The following SPMIP2 variants were observed in gnomAD, a reference collection of about 807,000 sequenced individuals.
The protein encoded by SPMIP2 is sperm microtubule inner protein 2.
At chr4:159,001,020 T>C in the SPMIP2 span, among the ~76,000 whole-genome samples, 2 of 152,198 alleles carry the variant, frequency 1.3e-5, no homozygotes, top group East Asian at 1.9e-4. Flanking sequence ...GGTAAATAAC[T>C]AGAAGTGGAA....
the SPMIP2 span, among the ~76,000 whole-genome samples, chr4:158,953,680 A>C: frequency 6.6e-6 from 1 of 152,216 alleles, no homozygotes; most frequent in Non-Finnish European, 1.5e-5. Context: ...CAGCCTGGAA[A>C]GCAGCTGGGA....
At chr4:158,910,274 T>A in the SPMIP2 span, among the ~76,000 whole-genome samples, 399 of 152,184 alleles carry the variant, frequency 2.6e-3, 1 homozygote, top group Admixed American at 6.4e-3. Flanking sequence ...CAGGTATTTT[T>A]TTTTTCCTTT....
chr4:158,973,357 A>G, the SPMIP2 span: 1 of 1,235,306 alleles, frequency 8.1e-7, no homozygotes, highest in African/African-American at 1.5e-5. Context: ...ACTTTATTCT[A>G]AGATACTTTT....
the SPMIP2 span, among the ~76,000 whole-genome samples, chr4:159,037,981 T>TTCTC: frequency 1.0e-4 from 15 of 148,054 alleles, no homozygotes; most frequent in African/African-American, 3.5e-4. Flanking sequence ...CTCTCTCTCT[T>TTCTC]TCTCTCTCTC....
At chr4:158,915,259 T>C in the SPMIP2 span, 1 of 1,613,770 alleles carries the variant, frequency 6.2e-7, no homozygotes, top group Non-Finnish European at 8.5e-7. Context: ...ATAGCCCATT[T>C]GGAATTTCTC....
the SPMIP2 span, among the ~76,000 whole-genome samples, chr4:159,002,417 T>C: frequency 6.6e-6 from 1 of 152,280 alleles, no homozygotes; most frequent in East Asian, 1.9e-4. Flanking sequence ...CACCTAAAAA[T>C]TATTTTGTTA....
At chr4:158,923,155 T>C in the SPMIP2 span, among the ~76,000 whole-genome samples, 7 of 152,240 alleles carry the variant, frequency 4.6e-5, no homozygotes, top group African/African-American at 1.7e-4. Flanking sequence ...ACTGTCTTGA[T>C]TACTGTAGCT....
At chr4:159,081,515 C>A in the SPMIP2 span, among the ~76,000 whole-genome samples, 38 of 151,842 alleles carry the variant, frequency 2.5e-4, no homozygotes, top group Non-Finnish European at 5.1e-4. Context: ...CATTGGGAGA[C>A]CCTTGTCTCT....
At chr4:159,035,196 C>A in the SPMIP2 span, 1 of 924,250 alleles carries the variant, frequency 1.1e-6, no homozygotes, top group South Asian at 1.5e-5. Flanking sequence ...TCTTTCCTCT[C>A]CCTGCTTGTG....
At chr4:158,937,896 C>T in the SPMIP2 span, among the ~76,000 whole-genome samples, 1 of 152,264 alleles carries the variant, frequency 6.6e-6, no homozygotes, top group Admixed American at 6.5e-5. Flanking sequence ...ATCAGTTGTT[C>T]ATGATGAAAT....
chr4:159,053,138 A>G, the SPMIP2 span, among the ~76,000 whole-genome samples: 1 of 149,648 alleles, frequency 6.7e-6, no homozygotes, highest in East Asian at 2.0e-4. Context: ...TTGTATTTTT[A>G]GTAGAGACGG....
At chr4:158,943,318 A>G in the SPMIP2 span, among the ~76,000 whole-genome samples, 1 of 152,050 alleles carries the variant, frequency 6.6e-6, no homozygotes. Context: ...CCCAATTCCA[A>G]TTTTTCTTGG....
At chr4:158,913,727 G>C in the SPMIP2 span, among the ~76,000 whole-genome samples, 28 of 152,036 alleles carry the variant, frequency 1.8e-4, no homozygotes, top group Admixed American at 1.2e-3. Context: ...TAGCTACTCA[G>C]GAGGCTGAGG....
chr4:158,909,200 G>A, the SPMIP2 span, among the ~76,000 whole-genome samples: 2 of 152,052 alleles, frequency 1.3e-5, no homozygotes, highest in African/African-American at 2.4e-5. Flanking sequence ...AGATATATTT[G>A]TTCTCAGGAA....
the SPMIP2 span, among the ~76,000 whole-genome samples, chr4:159,056,703 T>A: frequency 6.6e-6 from 1 of 151,902 alleles, no homozygotes; most frequent in East Asian, 1.9e-4. Flanking sequence ...TTCTATAGGA[T>A]TTTGAAGATG....
chr4:159,009,967 C>T, the SPMIP2 span, among the ~76,000 whole-genome samples: 6 of 152,032 alleles, frequency 3.9e-5, no homozygotes, highest in African/African-American at 1.4e-4. Context: ...GTGCTCCAGC[C>T]TGGATGACAG....
chr4:158,968,139 C>T, the SPMIP2 span, among the ~76,000 whole-genome samples: 1 of 152,174 alleles, frequency 6.6e-6, no homozygotes, highest in African/African-American at 2.4e-5. Context: ...AAGCAGTTCT[C>T]CTGTCTCAGC....
At chr4:158,932,196 T>C in the SPMIP2 span, among the ~76,000 whole-genome samples, 1 of 152,128 alleles carries the variant, frequency 6.6e-6, no homozygotes, top group East Asian at 1.9e-4. Flanking sequence ...ACAATTAAAA[T>C]TCTTAACACT....
chr4:159,035,221 G>T, the SPMIP2 span: 3 of 708,272 alleles, frequency 4.2e-6, no homozygotes, highest in Middle Eastern at 4.8e-4. Context: ...GCACCAGGTG[G>T]TTGCTAATGA....
Sources: allele counts gnomAD v4.1 joint callset (sites outside exome capture counted in the v4.1 genomes callset), GRCh38; gene constraint gnomAD v4.1.1; transcripts MANE v1.5; gene names NCBI Gene and HGNC (gene_info 2026-07-23, HGNC 2026-07-21).